The following ZNF827 variants were observed in gnomAD, a reference collection of about 807,000 sequenced individuals.
The protein encoded by ZNF827 is zinc finger protein 827.
A neutral mutation model predicts 102.4 loss-of-function variants in ZNF827; 13 were observed. The ratio of observed to expected loss-of-function variants is 0.13; its 90% CI spans 0.08 to 0.20. The LOEUF (loss-of-function observed/expected upper bound fraction) is 0.20, where lower values mean the gene tolerates loss of function less well. ZNF827 is among the 10% of genes least tolerant of loss of function. ZNF827 has a pLI of 1.00. For missense variants in ZNF827, 1,103 were observed against 1,344.4 expected (o/e 0.82, Z 2.81); for synonymous variants, 523 against 536.2 (o/e 0.98, Z 0.34).
intron 5 of ZNF827, among the ~76,000 whole-genome samples, chr4:145,854,570 T>C (rs964956707): frequency 6.6e-6 from 1 of 152,168 alleles, no homozygotes; most frequent in African/African-American, 2.4e-5. Context: ...CAACGATTCC[T>C]TCTCTGTCCC....
At chr4:145,773,673 A>G (rs1286197181) in intron 11 of ZNF827, among the ~76,000 whole-genome samples, 2 of 152,250 alleles carry the variant, frequency 1.3e-5, no homozygotes, top group Non-Finnish European at 2.9e-5. Flanking sequence ...AATAAATGGA[A>G]GAAGTTAACC....
chr4:145,892,299 A>C lies in ZNF827; in HGVS notation c.1210T>G (p.Cys404Gly), dbSNP rs1390528516. ...GCACACCGGAATGGACAGAGCGGAC[A>C]CTGATGACTTTTTAAACCTGTGTGA... ...VIHTGLKSHQ[C>G]PLCPFRCARK... The change falls in exon 3 of 15, where the codon TGT (cysteine) becomes GGT (glycine). Residue 404 changes from cysteine (C) to glycine (G), a missense_variant. By Grantham distance (159) the Cys-to-Gly change is radical (BLOSUM62 -3). Around this residue, in one of 5 missense-constraint regions of ZNF827, gnomAD observed 20 missense variants for 60.6 expected, o/e 0.33. Transcript: ENST00000508784. The C allele has an allele frequency of 6.2e-7, 1 of 1,614,046 alleles. No homozygotes were observed. The highest frequency in any genetic ancestry group is 8.5e-7 in the Non-Finnish European group (1 of 1,180,012).
At chr4:145,819,382 A>G (rs1437111438) in intron 8 of ZNF827, among the ~76,000 whole-genome samples, 1 of 152,226 alleles carries the variant, frequency 6.6e-6, no homozygotes, top group Non-Finnish European at 1.5e-5. Context: ...GTTGTTTAAA[A>G]GCAGTACTGG....
intron 8 of ZNF827, among the ~76,000 whole-genome samples, chr4:145,807,985 A>G (rs1741644069): frequency 6.6e-6 from 1 of 152,160 alleles, no homozygotes; most frequent in Non-Finnish European, 1.5e-5. Flanking sequence ...TTGACCAAAA[A>G]TTGTGTCAGA....
chr4:145,938,622 CTTTTTTTTTTT>C lies in ZNF827; in HGVS notation c.-226_-216del, dbSNP rs370427705. On this transcript the variant is annotated 5_prime_UTR_variant, in exon 1 of 15. Coordinates refer to ENST00000508784, the MANE Select transcript of ZNF827 (RefSeq NM_001306215.2). ...CTTCTTTTCTTTCCTTTCTTTTTTC[CTTTTTTTTTTT>C]TTTTTAAATTTTTGGTCGTGCACCT... The C allele has an allele frequency of 7.5e-6, 3 of 397,658 alleles. No homozygotes were observed. The highest frequency in any genetic ancestry group is 6.8e-5 in the African/African-American group (3 of 43,976). 24.6% of individuals were successfully genotyped at this position (397,658 alleles called of 1,614,324 possible). A position where few individuals can be genotyped will look rare whatever the true frequency, so the allele number is the denominator to read the frequency against.
intron 8 of ZNF827, among the ~76,000 whole-genome samples, chr4:145,797,945 G>A (rs936484970): frequency 2.6e-5 from 4 of 152,078 alleles, no homozygotes; most frequent in Admixed American, 2.6e-4. Flanking sequence ...ATCATTTTCT[G>A]TTGATAAAAA....
At chr4:145,912,175 G>T (rs1346060003) in intron 1 of ZNF827, among the ~76,000 whole-genome samples, 1 of 152,104 alleles carries the variant, frequency 6.6e-6, no homozygotes, top group East Asian at 1.9e-4. Flanking sequence ...TAATTTGATG[G>T]GATTTAAAAG....
At chr4:145,905,477 A>G (rs1448560706) in intron 1 of ZNF827, among the ~76,000 whole-genome samples, 2 of 152,230 alleles carry the variant, frequency 1.3e-5, no homozygotes, top group Non-Finnish European at 2.9e-5. Flanking sequence ...CTGGGAAAAA[A>G]AGCAGATTAA....
At chr4:145,798,966 T>C (rs181973417) in intron 8 of ZNF827, among the ~76,000 whole-genome samples, 20 of 152,340 alleles carry the variant, frequency 1.3e-4, no homozygotes, top group Admixed American at 2.0e-4. Context: ...GAAAAACAGA[T>C]GAATGCAAGG....
At chr4:145,863,470 T>C (rs941425461) in intron 5 of ZNF827, among the ~76,000 whole-genome samples, 3 of 152,200 alleles carry the variant, frequency 2.0e-5, no homozygotes, top group Non-Finnish European at 4.4e-5. Context: ...TAGCAGAAGA[T>C]GGCAAACATC....
chr4:145,889,307 T>C (rs895880036), intron 3 of ZNF827, among the ~76,000 whole-genome samples: 3 of 152,260 alleles, frequency 2.0e-5, no homozygotes, highest in Non-Finnish European at 4.4e-5. Context: ...TAGCTACATT[T>C]ACTGAATGTT....
intron 5 of ZNF827, among the ~76,000 whole-genome samples, chr4:145,859,041 C>T (rs55805504): frequency 0.28 from 42,688 of 151,840 alleles, 6,471 homozygotes; most frequent in Non-Finnish European, 0.34. Flanking sequence ...GCAAGGATAT[C>T]GCTGCTGAAA....
Position 145,895,683 on chromosome 4 carries a change from G to C in ZNF827, c.1094-3268C>G, listed in dbSNP as rs558498619. On this transcript the variant is annotated intron_variant, in intron 2 of 14. Coordinates refer to ENST00000508784, the MANE Select transcript of ZNF827 (RefSeq NM_001306215.2). ...AACATCTACATTTTTATTTATTCAA[G>C]AAAGAAATTTCATATTTTAGAGACG... 5.3e-5 allele frequency among the ~76,000 whole-genome samples: 8 copies of C among 152,200 alleles called. No individual in the cohort carries two copies. The South Asian group carries it at 1.7e-3, about 32-fold the overall frequency.
At chr4:145,834,425 T>C (rs867492315) in intron 7 of ZNF827, among the ~76,000 whole-genome samples, 3 of 152,034 alleles carry the variant, frequency 2.0e-5, no homozygotes, top group Non-Finnish European at 4.4e-5. Context: ...CAGGCTGCTC[T>C]TCGCCAGGCC....
chr4:145,833,315 G>C (rs1404984868), intron 7 of ZNF827, among the ~76,000 whole-genome samples: 1 of 152,084 alleles, frequency 6.6e-6, no homozygotes, highest in Non-Finnish European at 1.5e-5. Context: ...TTTATCCGTG[G>C]ACCCAAAACT....
chr4:145,907,903 A>G (rs556335058), intron 1 of ZNF827, among the ~76,000 whole-genome samples: 1 of 152,226 alleles, frequency 6.6e-6, no homozygotes, highest in Non-Finnish European at 1.5e-5. Flanking sequence ...TGCTGAATAA[A>G]TTTTGTTTCC....
At chr4:145,911,804 A>G (rs908964159) in intron 1 of ZNF827, among the ~76,000 whole-genome samples, 3 of 152,234 alleles carry the variant, frequency 2.0e-5, no homozygotes, top group African/African-American at 7.2e-5. Context: ...CATTAAGTGA[A>G]TGAATGAATT....
chr4:145,806,051 T>G (rs1017332989), intron 8 of ZNF827, among the ~76,000 whole-genome samples: 2 of 152,052 alleles, frequency 1.3e-5, no homozygotes, highest in African/African-American at 4.8e-5. Context: ...GTATACTTCA[T>G]GAGGACAGGG....
chr4:145,844,653 C>T (rs1405138950), intron 7 of ZNF827, among the ~76,000 whole-genome samples: 1 of 149,936 alleles, frequency 6.7e-6, no homozygotes, highest in Non-Finnish European at 1.5e-5. Flanking sequence ...GCACTCCAGC[C>T]TGGGAAACAG....
Sources: allele counts gnomAD v4.1 joint callset (sites outside exome capture counted in the v4.1 genomes callset), GRCh38; gene constraint gnomAD v4.1.1; regional missense constraint gnomAD v4.1.1; transcripts MANE v1.5; gene names NCBI Gene and HGNC (gene_info 2026-07-23, HGNC 2026-07-21).